BAIAP2: variants seen among roughly 807,000 people sequenced by gnomAD.
BAIAP2 encodes BAR/IMD domain containing adaptor protein 2, also known as BAR/IMD domain-containing adapter protein 2.
In BAIAP2, 18 loss-of-function variants were observed where a neutral mutation model predicts 63.0. The ratio of observed to expected loss-of-function variants is 0.29; its 90% CI spans 0.20 to 0.42. BAIAP2 has a LOEUF of 0.42. Among genes scored for constraint, BAIAP2 ranks in the 10% least tolerant of loss-of-function variants. The pLI is 1.00. For missense variants in BAIAP2, 610 were observed against 734.3 expected (o/e 0.83, Z 1.96); for synonymous variants, 386 against 307.6 (o/e 1.25, Z -2.67).
chr17:81,085,168 AC>A, intron 4 of BAIAP2: 3 of 546,214 alleles, frequency 5.5e-6, no homozygotes, highest in Non-Finnish European at 9.9e-6. Flanking sequence ...CCCCAGCCAG[AC>A]CCCACTCCTG....
At chr17:81,079,266 G>A (rs1176547288) in intron 3 of BAIAP2, among the ~76,000 whole-genome samples, 1 of 152,206 alleles carries the variant, frequency 6.6e-6, no homozygotes, top group Non-Finnish European at 1.5e-5. Context: ...CCTGTCCACA[G>A]GAGGCTGGGC....
chr17:81,109,037 C>A, intron 13 of BAIAP2: 1 of 1,530,540 alleles, frequency 6.5e-7, no homozygotes, highest in Non-Finnish European at 8.8e-7. Context: ...TGAAGAGCTT[C>A]CGCGCCTTCC....
intron 6 of BAIAP2, among the ~76,000 whole-genome samples, chr17:81,093,324 C>G (rs2057111106): frequency 6.6e-6 from 1 of 152,220 alleles, no homozygotes; most frequent in African/African-American, 2.4e-5. Context: ...GCCTGAAACT[C>G]CTGCTGCAGA....
In BAIAP2 at chr17:81,085,716, G is replaced by A; in HGVS notation, c.342G>A (p.Arg114=). ...QLEQKVELDS[R]YLSAALKKYQ... is the part of the protein sequence containing the mutation. ...AGCAGAAGGTGGAGCTGGACTCCAG[G>A]TATCTGAGTGTAAGTGCACCCTGGC... Residue 114 remains arginine (R), a synonymous_variant, in exon 5 of 14, where the codon AGG becomes AGA. Transcript: ENST00000428708. 6.2e-7 allele frequency: 1 copy of A among 1,613,356 alleles called. No individual in the cohort carries two copies. Among genetic ancestry groups the A allele is most frequent in the Non-Finnish European group, 8.5e-7 (1 of 1,179,764 alleles).
chr17:81,098,961 C>T (rs866781245), intron 6 of BAIAP2, among the ~76,000 whole-genome samples: 33 of 130,016 alleles, frequency 2.5e-4, no homozygotes, highest in Admixed American at 2.2e-3. Context: ...ACATTCTCCC[C>T]GTCCCCCCAT....
At chr17:81,040,843 C>T (rs2046978832) in intron 1 of BAIAP2, among the ~76,000 whole-genome samples, 1 of 152,206 alleles carries the variant, frequency 6.6e-6, no homozygotes, top group Non-Finnish European at 1.5e-5. Context: ...GGCTATTTCT[C>T]CTACTGTGGC....
chr17:81,062,331 GT>G (rs2050705303), intron 3 of BAIAP2, among the ~76,000 whole-genome samples: 1 of 150,666 alleles, frequency 6.6e-6, no homozygotes, highest in Non-Finnish European at 1.5e-5. Flanking sequence ...TGGTATTACA[GT>G]TTTTTGGTAT....
intron 1 of BAIAP2, among the ~76,000 whole-genome samples, chr17:81,052,754 C>T (rs543561239): frequency 2.5e-4 from 38 of 152,304 alleles, no homozygotes; most frequent in Admixed American, 8.5e-4. Flanking sequence ...GCCCTTCCCT[C>T]CCCACTCTCT....
At chr17:81,055,541 T>C (rs2049336226) in intron 2 of BAIAP2, among the ~76,000 whole-genome samples, 1 of 128,910 alleles carries the variant, frequency 7.8e-6, no homozygotes, top group Non-Finnish European at 1.7e-5. Context: ...TAAAGAGCTG[T>C]CCTTCCTCCA....
chr17:81,085,079 G>A (rs1598704246), intron 4 of BAIAP2, 186 bp downstream of exon 4: 4 of 635,846 alleles, frequency 6.3e-6, no homozygotes, highest in Non-Finnish European at 8.3e-6. Flanking sequence ...AAGGGCACAG[G>A]CCAGACCGCG....
intron 3 of BAIAP2, among the ~76,000 whole-genome samples, chr17:81,082,192 G>A (rs552826207): frequency 2.6e-5 from 4 of 152,230 alleles, no homozygotes; most frequent in African/African-American, 9.6e-5. Flanking sequence ...AGGGAGACTC[G>A]GGTCACGGCC....
At chr17:81,049,503 C>T (rs1207787194) in intron 1 of BAIAP2, among the ~76,000 whole-genome samples, 1 of 152,190 alleles carries the variant, frequency 6.6e-6, no homozygotes, top group Non-Finnish European at 1.5e-5. Flanking sequence ...AAACAAGCTC[C>T]CTTCCCCTTT....
chr17:81,063,309 C>T (rs914509999), intron 3 of BAIAP2, among the ~76,000 whole-genome samples: 1 of 152,186 alleles, frequency 6.6e-6, no homozygotes, highest in Non-Finnish European at 1.5e-5. Flanking sequence ...TGCAACCTGC[C>T]TTTCTCACTG....
chr17:81,113,958 CTT>C (rs58758919), intron 13 of BAIAP2, among the ~76,000 whole-genome samples: 7,263 of 83,202 alleles, frequency 0.087, 371 homozygotes, highest in African/African-American at 0.22. Context: ...TGGGAACCCA[CTT>C]TTTTTTTTTT....
chr17:81,100,540 C>T (rs1052866853), intron 7 of BAIAP2, among the ~76,000 whole-genome samples: 3 of 152,050 alleles, frequency 2.0e-5, no homozygotes, highest in Non-Finnish European at 4.4e-5. Context: ...GGGCTCATGG[C>T]TCTGCTCACC....
chr17:81,116,172 G>A lies in BAIAP2; in HGVS notation c.*333G>A, dbSNP rs1424591655. 4.4e-6 allele frequency: 7 copies of A among 1,605,176 alleles called. No homozygotes were observed. Among genetic ancestry groups the A allele is most frequent in the Non-Finnish European group, 4.3e-6 (5 of 1,175,308 alleles). ...CATTTGGCCAGCTGGTGGCTGGGAGGGGAGCCTGGCTGCCCTGCTGCTTCT... is the reference window on the plus strand; with the variant it reads ...CATTTGGCCAGCTGGTGGCTGGGAGAGGAGCCTGGCTGCCCTGCTGCTTCT... On this transcript the variant is annotated 3_prime_UTR_variant, in exon 14 of 14. Transcript: ENST00000428708.
At chr17:81,054,948 C>T (rs1033329338) in intron 2 of BAIAP2, among the ~76,000 whole-genome samples, 6 of 152,154 alleles carry the variant, frequency 3.9e-5, no homozygotes, top group South Asian at 2.1e-4. Flanking sequence ...CAGTGACCCC[C>T]GGTCTCCCTG....
At chr17:81,042,925 C>A (rs1463145915) in intron 1 of BAIAP2, among the ~76,000 whole-genome samples, 2 of 151,930 alleles carry the variant, frequency 1.3e-5, no homozygotes, top group African/African-American at 4.8e-5. Context: ...GTTCTGTCAC[C>A]CAGGCTGGAG....
chr17:81,084,988 C>T, intron 4 of BAIAP2, 95 bp downstream of exon 4: 1 of 1,278,828 alleles, frequency 7.8e-7, no homozygotes, highest in South Asian at 1.2e-5. Flanking sequence ...GGGAACAGTC[C>T]CAGTTGTCCA....
Sources: allele counts gnomAD v4.1 joint callset (sites outside exome capture counted in the v4.1 genomes callset), GRCh38; gene constraint gnomAD v4.1.1; transcripts MANE v1.5; gene names NCBI Gene and HGNC (gene_info 2026-07-23, HGNC 2026-07-21).